SMC1B: variants seen among roughly 807,000 people sequenced by gnomAD.
SMC1B encodes structural maintenance of chromosomes protein 1B.
In SMC1B, 60 loss-of-function variants were observed where a neutral mutation model predicts 157.9. The ratio of observed to expected loss-of-function variants is 0.38; its 90% CI spans 0.31 to 0.47. The LOEUF (loss-of-function observed/expected upper bound fraction) is 0.47, where lower values mean the gene tolerates loss of function less well. Ranked by LOEUF, SMC1B falls within the 20% of genes least tolerant of loss-of-function variation. The pLI is 0.99. For synonymous variants in SMC1B, 445 were observed against 483.0 expected (o/e 0.92, Z 1.03); for missense variants, 1,165 against 1,426.2 (o/e 0.82, Z 2.95).
chr22:45,405,339 T>C (rs919792052), intron 4 of SMC1B, among the ~76,000 whole-genome samples: 2 of 151,738 alleles, frequency 1.3e-5, no homozygotes, highest in Non-Finnish European at 2.9e-5. Flanking sequence ...GGCAGGCAGA[T>C]CACGAGGTCA....
intron 5 of SMC1B, 40 bp downstream of exon 5, chr22:45,402,293 C>A (rs2087204841): frequency 1.5e-6 from 2 of 1,326,870 alleles, no homozygotes; most frequent in Non-Finnish European, 2.1e-6. Flanking sequence ...TATCAAGCTA[C>A]ATATAACCCA....
intron 10 of SMC1B, among the ~76,000 whole-genome samples, chr22:45,388,992 AAAAAAAAAAAAAG>A (rs2087024224): frequency 6.9e-6 from 1 of 145,770 alleles, no homozygotes; most frequent in Non-Finnish European, 1.5e-5. Context: ...GCCTCAAAAA[AAAAAAAAAAAAAG>A]AAAAAGAAAA....
intron 15 of SMC1B, among the ~76,000 whole-genome samples, chr22:45,366,104 A>G (rs1284191204): frequency 6.6e-6 from 1 of 152,170 alleles, no homozygotes; most frequent in Admixed American, 6.5e-5. Context: ...GCTCACTGCA[A>G]CTTCTGCCTC....
At position 45,372,148 on chromosome 22, in the gene SMC1B, A is replaced by G. The variant is rs371578004; in HGVS notation, c.2196+7T>C. The G allele has an allele frequency of 2.8e-5, 45 of 1,598,070 alleles. No individual in the cohort carries two copies. The highest frequency in any genetic ancestry group is 3.1e-5 in the Non-Finnish European group (36 of 1,173,738). ...TGCCTATCATATTTTATGTAAGTCT[A>G]TATTACCTGGTAAAAAGCAACAAGG... On this transcript the variant is annotated splice_region_variant and intron_variant, in intron 13 of 24. Coordinates refer to ENST00000357450, the MANE Select transcript of SMC1B (RefSeq NM_148674.5).
Position 45,344,429 on chromosome 22 carries a change from G to A in SMC1B, c.*127C>T, listed in dbSNP as rs2086529562. 6 of 625,684 alleles carry A rather than the reference G, an allele frequency of 9.6e-6. No homozygotes were observed. Among genetic ancestry groups the A allele is most frequent in the Non-Finnish European group, 1.4e-5 (5 of 352,252 alleles). The allele number at this position is 625,684 out of a possible 1,614,324, so 38.8% of individuals were successfully genotyped here. On this transcript the variant is annotated 3_prime_UTR_variant, in exon 25 of 25. Coordinates refer to ENST00000357450, the MANE Select transcript of SMC1B (RefSeq NM_148674.5). Reference sequence around the variant, plus strand: ...GAGCCACAGCCTCTTTGGCTAGAACGACTAAGGTTTCTCTTAAAGGGTGCA... The same window carrying A: ...GAGCCACAGCCTCTTTGGCTAGAACAACTAAGGTTTCTCTTAAAGGGTGCA...
chr22:45,386,333 G>A (rs994299406), intron 11 of SMC1B, among the ~76,000 whole-genome samples: 7 of 151,798 alleles, frequency 4.6e-5, no homozygotes, highest in Non-Finnish European at 1.0e-4. Context: ...ATTCCACTGA[G>A]AGTAAAATAG....
At position 45,406,908 on chromosome 22, in the gene SMC1B, C is replaced by A. The variant is rs201634381; in HGVS notation, c.299-43G>T. 87 of 1,348,700 alleles carry A rather than the reference C, an allele frequency of 6.5e-5. No individual in the cohort carries two copies. In the African/African-American group the frequency reaches 1.0e-3, roughly 16 times the overall value. 83.5% of individuals were successfully genotyped at this position (1,348,700 alleles called of 1,614,324 possible). Reference sequence around the variant, plus strand: ...ACCCTGTTAAAAAATATATAAATACCAGATATACCTCAAAATCCACCGAAA... The same window carrying A: ...ACCCTGTTAAAAAATATATAAATACAAGATATACCTCAAAATCCACCGAAA... On this transcript the variant is annotated intron_variant, in intron 2 of 24. Transcript: ENST00000357450.
At position 45,372,294 on chromosome 22, in the gene SMC1B, TA is replaced by T; in HGVS notation, c.2059-3del. 6.4e-7 allele frequency: 1 copy of T among 1,574,354 alleles called. No homozygotes were observed. The highest frequency in any genetic ancestry group is 2.3e-5 in the East Asian group (1 of 44,030). ...TTTGCGGAGTGTCTTCATTAAACCC[TA>T]AAAGGAAAGAAAAACATGAGAATAT... On this transcript the variant is annotated splice_polypyrimidine_tract_variant and splice_region_variant and intron_variant, in intron 12 of 24. Coordinates refer to ENST00000357450, the MANE Select transcript of SMC1B (RefSeq NM_148674.5).
At chr22:45,358,347 G>C (rs2086689033) in intron 19 of SMC1B, among the ~76,000 whole-genome samples, 1 of 152,208 alleles carries the variant, frequency 6.6e-6, no homozygotes, top group African/African-American at 2.4e-5. Flanking sequence ...ATGAGTCTGG[G>C]AGGCCTGGAC....
chr22:45,413,262 G>T (rs777562575), intron 1 of SMC1B, among the ~76,000 whole-genome samples, 197 bp downstream of exon 1: 2 of 152,144 alleles, frequency 1.3e-5, no homozygotes, highest in Non-Finnish European at 1.5e-5. Context: ...GGACGGCGAG[G>T]ACCGGGGCTG....
chr22:45,403,671 C>T (rs2087223217), intron 4 of SMC1B, among the ~76,000 whole-genome samples: 1 of 152,106 alleles, frequency 6.6e-6, no homozygotes, highest in African/African-American at 2.4e-5. Flanking sequence ...GTTGCCCAGG[C>T]TAGTCTCGAA....
intron 1 of SMC1B, among the ~76,000 whole-genome samples, chr22:45,412,618 C>T (rs528877734): frequency 6.0e-5 from 9 of 151,168 alleles, no homozygotes; most frequent in South Asian, 2.1e-4. Context: ...GCGATTCTCC[C>T]GCCTCAGCCT....
chr22:45,356,717 T>TTTTTC (rs1569176135), intron 19 of SMC1B, among the ~76,000 whole-genome samples: 7 of 151,218 alleles, frequency 4.6e-5, no homozygotes, highest in South Asian at 2.1e-4. Flanking sequence ...AAATACTTAA[T>TTTTTC]TTTTCTTTTC....
intron 11 of SMC1B, among the ~76,000 whole-genome samples, chr22:45,386,614 T>C (rs1024183856): frequency 6.6e-6 from 1 of 152,120 alleles, no homozygotes; most frequent in African/African-American, 2.4e-5. Flanking sequence ...CTTTAAGATA[T>C]TATTAAAAGA....
chr22:45,375,761 C>A (rs754213787), intron 12 of SMC1B, among the ~76,000 whole-genome samples: 1 of 152,094 alleles, frequency 6.6e-6, no homozygotes, highest in Non-Finnish European at 1.5e-5. Context: ...CACTTAAACA[C>A]CCTTGTATTT....
rs1192361236 is a variant in SMC1B at position 45,402,379 on chromosome 22, G to A, written c.808C>T (p.His270Tyr). Residue 270 changes from histidine to tyrosine, a missense_variant, in exon 5 of 25, where the codon CAT becomes TAT. By Grantham distance (83) the His-to-Tyr change is moderately conservative (BLOSUM62 2). Coordinates refer to ENST00000357450, the MANE Select transcript of SMC1B (RefSeq NM_148674.5). ...TGTAGTTGTCTAGTTAGCATTCCAT[G>A]TTCCTTTTTCCTGGCTTTAACTATG... is the stretch of plus-strand genomic sequence containing the variant. Reference protein sequence around the residue: ...ENIVKARKKEHGMLTRQLQQT... With the variant: ...ENIVKARKKEYGMLTRQLQQT... The A allele has an allele frequency of 3.7e-6, 6 of 1,613,496 alleles. No homozygotes were observed. Among genetic ancestry groups the A allele is most frequent in the Middle Eastern group, 1.6e-4 (1 of 6,078 alleles).
At chr22:45,395,772 G>A (rs1195095354) in intron 7 of SMC1B, among the ~76,000 whole-genome samples, 1 of 152,186 alleles carries the variant, frequency 6.6e-6, no homozygotes, top group Non-Finnish European at 1.5e-5. Flanking sequence ...CAGGAGAATT[G>A]CCTGAACCTG....
At chr22:45,385,582 T>C (rs1281774608) in intron 11 of SMC1B, among the ~76,000 whole-genome samples, 1 of 152,136 alleles carries the variant, frequency 6.6e-6, no homozygotes, top group Non-Finnish European at 1.5e-5. Flanking sequence ...GGGGTAAAGA[T>C]GTTACTGTGA....
At chr22:45,374,698 C>T (rs1254341091) in intron 12 of SMC1B, among the ~76,000 whole-genome samples, 1 of 152,170 alleles carries the variant, frequency 6.6e-6, no homozygotes, top group Admixed American at 6.5e-5. Flanking sequence ...TGAAGCTACA[C>T]AACTTAAACT....
Sources: gnomAD v4.1 joint callset for allele counts (sites outside exome capture counted in the v4.1 genomes callset) on GRCh38, gnomAD v4.1.1 for gene constraint, MANE v1.5 for transcripts, NCBI Gene and HGNC (gene_info 2026-07-23, HGNC 2026-07-21) for gene names.